Variants in NTM observed in about 807,000 individuals in gnomAD.
NTM encodes the protein IgLON family member 2.
Under a neutral mutation model 42.1 loss-of-function variants are expected in NTM, and 13 were observed. The ratio of observed to expected loss-of-function variants is 0.31; its 90% CI spans 0.20 to 0.49. NTM has a LOEUF of 0.49. Among genes scored for constraint, NTM ranks in the 20% least tolerant of loss-of-function variants. The pLI is 0.99. For missense variants in NTM, 373 were observed against 452.8 expected (o/e 0.82, Z 1.60); for synonymous variants, 187 against 179.2 (o/e 1.04, Z -0.35).
intron 3 of NTM, among the ~76,000 whole-genome samples, chr11:132,173,287 T>C (rs1037788384): frequency 6.6e-6 from 1 of 152,202 alleles, no homozygotes; most frequent in Admixed American, 6.5e-5. Context: ...AAATCTATCA[T>C]TTCTATTTTA....
chr11:131,773,612 T>C (rs2086498468), intron 1 of NTM, among the ~76,000 whole-genome samples: 2 of 152,236 alleles, frequency 1.3e-5, no homozygotes. Context: ...AGAAATAAAT[T>C]ATGAATGCAC....
chr11:131,575,423 T>G (rs1171639888), intron 1 of NTM, among the ~76,000 whole-genome samples: 2 of 152,184 alleles, frequency 1.3e-5, no homozygotes, highest in Non-Finnish European at 1.5e-5. Flanking sequence ...CATACCCTAT[T>G]ATTTATATGG....
At chr11:131,698,427 T>A (rs2075716211) in intron 1 of NTM, among the ~76,000 whole-genome samples, 1 of 152,198 alleles carries the variant, frequency 6.6e-6, no homozygotes, top group South Asian at 2.1e-4. Flanking sequence ...ACTGAGCCCT[T>A]GTGCTACATG....
chr11:131,920,617 T>C (rs1435293315), intron 2 of NTM, among the ~76,000 whole-genome samples: 3 of 152,194 alleles, frequency 2.0e-5, no homozygotes, highest in African/African-American at 7.2e-5. Flanking sequence ...AATTATTTGG[T>C]TTTATTTGGG....
intron 7 of NTM, 56 bp from the exon 8 acceptor site, chr11:132,330,097 T>C (rs1226820795): frequency 5.2e-6 from 8 of 1,547,786 alleles, no homozygotes; most frequent in East Asian, 2.4e-5. Flanking sequence ...GAGGGCAAAG[T>C]GAGCATCTCC....
chr11:131,548,789 G>T (rs2054276056), intron 1 of NTM, among the ~76,000 whole-genome samples: 1 of 152,140 alleles, frequency 6.6e-6, no homozygotes, highest in African/African-American at 2.4e-5. Context: ...GGAATGAAAA[G>T]AAACAAGCCC....
intron 2 of NTM, among the ~76,000 whole-genome samples, chr11:131,959,606 A>G (rs960585533): frequency 6.6e-6 from 1 of 152,218 alleles, no homozygotes; most frequent in African/African-American, 2.4e-5. Context: ...ACTGCACTCC[A>G]GCCTGAGTGA....
At chr11:131,804,620 G>A (rs1017392707) in intron 1 of NTM, among the ~76,000 whole-genome samples, 16 of 152,090 alleles carry the variant, frequency 1.1e-4, no homozygotes, top group Non-Finnish European at 1.2e-4. Flanking sequence ...TCACAGCAAG[G>A]GTTATAGCCT....
At chr11:131,686,292 T>C (rs978371070) in intron 1 of NTM, among the ~76,000 whole-genome samples, 1 of 152,234 alleles carries the variant, frequency 6.6e-6, no homozygotes, top group East Asian at 1.9e-4. Flanking sequence ...CCTAATAATT[T>C]ACTGTTGCCC....
intron 2 of NTM, among the ~76,000 whole-genome samples, chr11:131,999,126 C>T (rs2846795): frequency 6.6e-6 from 1 of 152,086 alleles, no homozygotes; most frequent in Non-Finnish European, 1.5e-5. Flanking sequence ...GCTCTTCCTT[C>T]GCAGGTGGAG....
chr11:131,550,105 A>G (rs1300942315), intron 1 of NTM, among the ~76,000 whole-genome samples: 1 of 152,222 alleles, frequency 6.6e-6, no homozygotes, highest in Non-Finnish European at 1.5e-5. Context: ...AAGAAGCTGG[A>G]ATAATAACAG....
intron 1 of NTM, among the ~76,000 whole-genome samples, chr11:131,569,021 CA>C (rs555027854): frequency 6.2e-4 from 95 of 152,304 alleles, no homozygotes; most frequent in African/African-American, 2.1e-3. Context: ...AACTTTAGAA[CA>C]TTTTCGTTAT....
chr11:131,963,128 A>G (rs1336225011), intron 2 of NTM, among the ~76,000 whole-genome samples: 2 of 152,128 alleles, frequency 1.3e-5, no homozygotes, highest in Non-Finnish European at 2.9e-5. Flanking sequence ...TTACCCAACA[A>G]AAGACACGAG....
intron 1 of NTM, among the ~76,000 whole-genome samples, chr11:131,446,599 AATCC>A (rs1423503314): frequency 2.6e-5 from 4 of 152,126 alleles, no homozygotes; most frequent in Non-Finnish European, 5.9e-5. Context: ...TCCCCTTTGA[AATCC>A]AGAGCTTCCT....
intron 2 of NTM, among the ~76,000 whole-genome samples, chr11:132,139,975 G>A (rs191515202): frequency 2.4e-3 from 372 of 152,288 alleles, no homozygotes; most frequent in African/African-American, 8.5e-3. Context: ...AGATGAGAAA[G>A]CAGTACATGT....
At chr11:132,142,510 G>A (rs557657293) in intron 2 of NTM, among the ~76,000 whole-genome samples, 1 of 152,130 alleles carries the variant, frequency 6.6e-6, no homozygotes, top group Non-Finnish European at 1.5e-5. Context: ...TTTTAACCGA[G>A]GAGCGATGTG....
chr11:132,079,670 T>C (rs1003336139), intron 2 of NTM, among the ~76,000 whole-genome samples: 7 of 152,212 alleles, frequency 4.6e-5, no homozygotes, highest in African/African-American at 1.7e-4. Context: ...GACCTTCACA[T>C]TCTTGATGAC....
rs539132034 is a variant in NTM at position 131,496,498 on chromosome 11, C to T, written c.82+125610C>T. Among the ~76,000 whole-genome samples, 648 of 152,300 alleles carry T rather than the reference C, an allele frequency of 4.3e-3. 1 individual carries two copies. The highest frequency in any genetic ancestry group is 8.0e-3 in the Admixed American group (123 of 15,298). On this transcript the variant is annotated intron_variant, in intron 1 of 8. Transcript: ENST00000683400. ...CTGGGCAGGCCAGGGCCGGCACAAC[C>T]GCAGCCAAATGTAAAGGCCACAGGG...
chr11:132,314,876 A>G (rs2095384421), intron 7 of NTM, 173 bp downstream of exon 7: 1 of 1,368,270 alleles, frequency 7.3e-7, no homozygotes, highest in South Asian at 2.0e-5. Context: ...AGGGACAGAG[A>G]GACAGGGAGG....
Sources: allele counts gnomAD v4.1 joint callset (sites outside exome capture counted in the v4.1 genomes callset), GRCh38; gene constraint gnomAD v4.1.1; transcripts MANE v1.5; gene names NCBI Gene and HGNC (gene_info 2026-07-23, HGNC 2026-07-21).